The following PAPPA2 variants were observed in gnomAD, a reference collection of about 807,000 sequenced individuals.
The protein encoded by PAPPA2 is pappalysin-2.
A neutral mutation model predicts 176.4 loss-of-function variants in PAPPA2; 86 were observed. The ratio of observed to expected loss-of-function variants is 0.49; its 90% CI spans 0.41 to 0.58. The LOEUF (loss-of-function observed/expected upper bound fraction) is 0.58, where lower values mean the gene tolerates loss of function less well. Ranked by LOEUF, PAPPA2 falls within the 20% of genes least tolerant of loss-of-function variation. PAPPA2 has a pLI of 0.00. For synonymous variants in PAPPA2, 809 were observed against 852.2 expected, an observed-to-expected ratio of 0.95 and a Z score of 0.88; for missense variants, 2,073 against 2,256.9, an observed-to-expected ratio of 0.92 and a Z score of 1.65.
At chr1:176,610,107 T>C (rs1449336765) in intron 3 of PAPPA2, among the ~76,000 whole-genome samples, 2 of 152,086 alleles carry the variant, frequency 1.3e-5, no homozygotes, top group African/African-American at 4.8e-5. Flanking sequence ...GCCTCTTTCC[T>C]ATTTGAGTAT....
chr1:176,797,924 A>G (rs565895486), intron 20 of PAPPA2, among the ~76,000 whole-genome samples: 3 of 152,342 alleles, frequency 2.0e-5, no homozygotes, highest in African/African-American at 7.2e-5. Flanking sequence ...AAGGCTAGAG[A>G]CACGATATCA....
At chr1:176,692,034 C>T in intron 5 of PAPPA2, 92 bp from the exon 6 acceptor site, 3 of 1,242,396 alleles carry the variant, frequency 2.4e-6, no homozygotes, top group Non-Finnish European at 3.4e-6. Context: ...TAAGTTAACT[C>T]AGCCATGAAC....
chr1:176,714,353 C>T (rs776923691), intron 12 of PAPPA2, among the ~76,000 whole-genome samples: 5 of 151,450 alleles, frequency 3.3e-5, no homozygotes, highest in Non-Finnish European at 5.9e-5. Context: ...TTGCCCTTTC[C>T]GATGCAAAAA....
intron 2 of PAPPA2, among the ~76,000 whole-genome samples, chr1:176,582,689 A>C (rs1653061142): frequency 6.6e-6 from 1 of 151,998 alleles, no homozygotes. Context: ...TTTAACATCT[A>C]TATTTATTGG....
At chr1:176,507,718 G>A (rs1234088344) in intron 1 of PAPPA2, among the ~76,000 whole-genome samples, 2 of 151,954 alleles carry the variant, frequency 1.3e-5, no homozygotes, top group African/African-American at 4.8e-5. Flanking sequence ...TCACTTATAA[G>A]TGGAAGCTAA....
rs1354174069 is a variant in PAPPA2 at position 176,689,998 on chromosome 1, G to A, written c.2138-139G>A. 2.1e-5 allele frequency: 16 copies of A among 749,524 alleles called. No homozygotes were observed. The East Asian group carries it at 3.9e-4, about 18-fold the overall frequency. 46.4% of individuals were successfully genotyped at this position (749,524 alleles called of 1,614,324 possible). On this transcript the variant is annotated intron_variant, in intron 4 of 22. Transcript: ENST00000367662. The stretch of plus-strand genomic sequence containing the variant: ...TTCTGTGGCAAGAAAGAAAAGCAAT[G>A]ACTGTATGTTACCAGAAGTTATAAA...
At chr1:176,789,761 CCTT>C in intron 17 of PAPPA2, 45 bp from the exon 18 acceptor site, 2 of 1,554,650 alleles carry the variant, frequency 1.3e-6, no homozygotes, top group Non-Finnish European at 8.7e-7. Context: ...TCTTTCATGA[CCTT>C]CTTGAAAGAT....
chr1:176,484,081 T>C (rs139431034), intron 1 of PAPPA2, among the ~76,000 whole-genome samples: 209 of 152,366 alleles, frequency 1.4e-3, no homozygotes, highest in Admixed American at 2.4e-3. Context: ...CCAACCCATC[T>C]TTATCTCTCA....
chr1:176,487,670 T>C (rs1024777402), intron 1 of PAPPA2, among the ~76,000 whole-genome samples: 8 of 151,620 alleles, frequency 5.3e-5, no homozygotes, highest in Admixed American at 4.6e-4. Context: ...TTATTGAGTG[T>C]GACTATTACA....
intron 3 of PAPPA2, among the ~76,000 whole-genome samples, chr1:176,646,052 A>G (rs1657381004): frequency 6.6e-6 from 1 of 151,312 alleles, no homozygotes; most frequent in African/African-American, 2.4e-5. Context: ...TCTTTTCACT[A>G]GTTGATTGTT....
At chr1:176,492,262 A>C (rs1175349015) in intron 1 of PAPPA2, among the ~76,000 whole-genome samples, 1 of 152,204 alleles carries the variant, frequency 6.6e-6, no homozygotes, top group Admixed American at 6.5e-5. Context: ...TTTCTCTGCT[A>C]TGCTGCCTCT....
Position 176,842,691 on chromosome 1 carries a change from C to G in PAPPA2, c.*237C>G. 1.9e-6 allele frequency: 1 copy of G among 522,308 alleles called. No homozygotes were observed. Among genetic ancestry groups the G allele is most frequent in the Non-Finnish European group, 3.4e-6 (1 of 291,302 alleles). 32.4% of individuals were successfully genotyped at this position (522,308 alleles called of 1,614,324 possible). ...TTTCTTTAAAGTGGCAGTTGATTAA[C>G]ATGGAAGGGGAAATATGATAGATAT... On this transcript the variant is annotated 3_prime_UTR_variant, in exon 23 of 23. Coordinates refer to ENST00000367662, the MANE Select transcript of PAPPA2 (RefSeq NM_020318.3).
chr1:176,575,917 A>T (rs2102620197), intron 2 of PAPPA2, among the ~76,000 whole-genome samples: 1 of 152,328 alleles, frequency 6.6e-6, no homozygotes, highest in African/African-American at 2.4e-5. Context: ...TTTGTTTTCT[A>T]ATAAGTAGGC....
rs908280133 is a variant in PAPPA2 at position 176,523,680 on chromosome 1, C to T, written c.-916-31727C>T. 2.6e-5 allele frequency among the ~76,000 whole-genome samples: 4 copies of T among 152,064 alleles called. No homozygotes were observed. In the East Asian group the frequency reaches 5.8e-4, roughly 22 times the overall value. On this transcript the variant is annotated intron_variant, in intron 1 of 22. Coordinates refer to ENST00000367662, the MANE Select transcript of PAPPA2 (RefSeq NM_020318.3). ...TTGCCATGACTCTGTAGTAGACATT[C>T]GAGGAAGTCAAATATGAATAAGACA...
At chr1:176,494,455 C>T (rs1322888658) in intron 1 of PAPPA2, among the ~76,000 whole-genome samples, 13 of 152,138 alleles carry the variant, frequency 8.5e-5, no homozygotes, top group African/African-American at 3.1e-4. Flanking sequence ...GCCAACAGAA[C>T]AGTATTCTGT....
intron 1 of PAPPA2, among the ~76,000 whole-genome samples, chr1:176,537,719 A>AGAGTGT (rs138829809): frequency 8.3e-5 from 12 of 143,828 alleles, no homozygotes; most frequent in African/African-American, 2.8e-4. Flanking sequence ...GTAGGTATGG[A>AGAGTGT]GTGTGTGTGT....
Position 176,556,339 on chromosome 1 carries a change from T to C in PAPPA2, c.17T>C (p.Ile6Thr). 2 of 1,613,780 alleles carry C rather than the reference T, an allele frequency of 1.2e-6. No homozygotes were observed. Among genetic ancestry groups the C allele is most frequent in the East Asian group, 2.2e-5 (1 of 44,876 alleles). Reference sequence around the variant, plus strand: ...AGGGGAGGTATGATGTGCTTAAAGATCCTAAGAATAAGCCTGGCGATTTTG... The same window carrying C: ...AGGGGAGGTATGATGTGCTTAAAGACCCTAAGAATAAGCCTGGCGATTTTG... Reference protein sequence around the residue: MMCLKILRISLAILAG... With the variant: MMCLKTLRISLAILAG... The change falls in exon 2 of 23, where the codon ATC (isoleucine) becomes ACC (threonine). Residue 6 changes from isoleucine to threonine, a missense_variant. Transcript: ENST00000367662.
intron 21 of PAPPA2, among the ~76,000 whole-genome samples, chr1:176,836,249 T>A (rs560254091): frequency 1.3e-5 from 2 of 152,324 alleles, no homozygotes; most frequent in African/African-American, 4.8e-5. Flanking sequence ...AAGTTTTTTT[T>A]ATGAAAACGA....
chr1:176,535,010 A>T (rs1649995928), intron 1 of PAPPA2, among the ~76,000 whole-genome samples: 1 of 152,198 alleles, frequency 6.6e-6, no homozygotes, highest in Non-Finnish European at 1.5e-5. Context: ...TCTGGTTCCC[A>T]TCAGGAATTA....
Sources: gnomAD v4.1 joint callset for allele counts (sites outside exome capture counted in the v4.1 genomes callset) on GRCh38, gnomAD v4.1.1 for gene constraint, MANE v1.5 for transcripts, NCBI Gene and HGNC (gene_info 2026-07-23, HGNC 2026-07-21) for gene names.